SCHIP1: variants seen among roughly 807,000 people sequenced by gnomAD.
SCHIP1 encodes the protein schwannomin interacting protein 1, also known as schwannomin-interacting protein 1.
SCHIP1 carries 8 observed loss-of-function variants against 29.7 expected under a neutral mutation model. The observed-to-expected ratio is 0.27, with a 90% confidence interval of 0.16 to 0.49. The LOEUF (loss-of-function observed/expected upper bound fraction) is 0.49, where lower values mean the gene tolerates loss of function less well. Among genes scored for constraint, SCHIP1 ranks in the 20% least tolerant of loss-of-function variants. The pLI is 0.99. For synonymous variants in SCHIP1, 76 were observed against 94.9 expected, an observed-to-expected ratio of 0.80 and a Z score of 1.16; for missense variants, 193 against 294.6, an observed-to-expected ratio of 0.66 and a Z score of 2.52.
chr3:159,286,865 G>A, the SCHIP1 span, among the ~76,000 whole-genome samples: 1 of 152,164 alleles, frequency 6.6e-6, no homozygotes, highest in African/African-American at 2.4e-5. Flanking sequence ...CCACATGTAT[G>A]TCTTCTTTTG....
chr3:159,289,902 C>A, the SCHIP1 span, among the ~76,000 whole-genome samples: 1 of 152,172 alleles, frequency 6.6e-6, no homozygotes, highest in Non-Finnish European at 1.5e-5. Context: ...TGGGAACATT[C>A]ACAAATAGCA....
the SCHIP1 span, among the ~76,000 whole-genome samples, chr3:159,281,379 A>T: frequency 1.3e-5 from 2 of 152,236 alleles, no homozygotes. Context: ...AATTATTTTC[A>T]AATACATAGG....
chr3:159,568,900 A>G, the SCHIP1 span, among the ~76,000 whole-genome samples: 1 of 152,202 alleles, frequency 6.6e-6, no homozygotes, highest in Middle Eastern at 3.2e-3. Flanking sequence ...TTTATTAGAC[A>G]TATACAAGTT....
chr3:159,581,385 C>G, the SCHIP1 span, among the ~76,000 whole-genome samples: 1 of 152,138 alleles, frequency 6.6e-6, no homozygotes, highest in Non-Finnish European at 1.5e-5. Context: ...CTTGTTCTCT[C>G]TAGCTAAAAG....
the SCHIP1 span, among the ~76,000 whole-genome samples, chr3:159,749,465 T>C: frequency 2.0e-5 from 3 of 152,182 alleles, no homozygotes; most frequent in African/African-American, 7.2e-5. Context: ...GCTGTGAGGT[T>C]TCCATTGGGA....
chr3:159,634,743 G>T, the SCHIP1 span, among the ~76,000 whole-genome samples: 1 of 152,146 alleles, frequency 6.6e-6, no homozygotes, highest in Admixed American at 6.6e-5. Flanking sequence ...TGTGAATGAG[G>T]CTCGTCACAG....
chr3:159,651,229 G>A, the SCHIP1 span, among the ~76,000 whole-genome samples: 1 of 152,156 alleles, frequency 6.6e-6, no homozygotes, highest in African/African-American at 2.4e-5. Flanking sequence ...AGAATTAGAG[G>A]AGGAAGCAAA....
chr3:159,583,140 A>C, the SCHIP1 span, among the ~76,000 whole-genome samples: 2 of 152,188 alleles, frequency 1.3e-5, no homozygotes, highest in Non-Finnish European at 2.9e-5. Flanking sequence ...ATTTAAAATT[A>C]AATTTACACA....
At chr3:159,853,566 A>G (rs917231738) in intron 1 of SCHIP1, 2 of 510,374 alleles carry the variant, frequency 3.9e-6, no homozygotes, top group Non-Finnish European at 6.9e-6. Flanking sequence ...CTATTGCCAT[A>G]ATATAGTCAG....
At chr3:159,609,797 A>AT in the SCHIP1 span, among the ~76,000 whole-genome samples, 305 of 149,256 alleles carry the variant, frequency 2.0e-3, 2 homozygotes, top group East Asian at 4.3e-3. Flanking sequence ...TATTTTAGGT[A>AT]TTTTTTTTTT....
chr3:159,508,151 A>G, the SCHIP1 span, among the ~76,000 whole-genome samples: 1 of 152,236 alleles, frequency 6.6e-6, no homozygotes. Flanking sequence ...GGAGCCTGTT[A>G]TTGGTCTAAT....
the SCHIP1 span, among the ~76,000 whole-genome samples, chr3:159,780,900 G>A: frequency 6.6e-6 from 1 of 152,218 alleles, no homozygotes; most frequent in Non-Finnish European, 1.5e-5. Flanking sequence ...GTGCCTGTGT[G>A]CTCTGATGCC....
chr3:159,708,543 CA>C, the SCHIP1 span, among the ~76,000 whole-genome samples: 1 of 152,112 alleles, frequency 6.6e-6, no homozygotes, highest in African/African-American at 2.4e-5. Flanking sequence ...AGCTTTAAAC[CA>C]GGGGCAGATG....
the SCHIP1 span, among the ~76,000 whole-genome samples, chr3:159,694,020 C>T: frequency 2.0e-5 from 3 of 152,104 alleles, no homozygotes; most frequent in Non-Finnish European, 4.4e-5. Flanking sequence ...TGGTGAGCAC[C>T]TGTAGGCGAA....
At chr3:159,682,174 C>T in the SCHIP1 span, among the ~76,000 whole-genome samples, 3 of 152,214 alleles carry the variant, frequency 2.0e-5, no homozygotes, top group East Asian at 5.8e-4. Context: ...TTAATATCCT[C>T]ATCTTTCCCC....
the SCHIP1 span, among the ~76,000 whole-genome samples, chr3:159,595,330 A>G: frequency 6.6e-6 from 1 of 152,122 alleles, no homozygotes; most frequent in African/African-American, 2.4e-5. Flanking sequence ...CATTCAGTGA[A>G]GGTTATTCCT....
the SCHIP1 span, among the ~76,000 whole-genome samples, chr3:159,420,238 G>A: frequency 6.6e-6 from 1 of 152,138 alleles, no homozygotes. Flanking sequence ...TGGCTGGGAG[G>A]GTGAAGATTC....
the SCHIP1 span, among the ~76,000 whole-genome samples, chr3:159,441,543 T>C: frequency 6.6e-6 from 1 of 151,902 alleles, no homozygotes; most frequent in African/African-American, 2.4e-5. Flanking sequence ...AAGCCAAGTA[T>C]TATGTGAGAG....
chr3:159,655,883 C>T, the SCHIP1 span, among the ~76,000 whole-genome samples: 1,068 of 151,990 alleles, frequency 7.0e-3, 8 homozygotes, highest in African/African-American at 0.025. Flanking sequence ...AGTGAGACTC[C>T]GTCTCAGAAG....
Sources: allele counts gnomAD v4.1 joint callset (sites outside exome capture counted in the v4.1 genomes callset), GRCh38; gene constraint gnomAD v4.1.1; transcripts MANE v1.5; gene names NCBI Gene and HGNC (gene_info 2026-07-23, HGNC 2026-07-21).